The following MKX variants were observed in gnomAD, a reference collection of about 807,000 sequenced individuals.
The protein encoded by MKX is homeobox protein Mohawk.
A neutral mutation model predicts 36.0 loss-of-function variants in MKX; 13 were observed. The ratio of observed to expected loss-of-function variants is 0.36; its 90% confidence interval spans 0.24 to 0.57. The LOEUF (loss-of-function observed/expected upper bound fraction) is 0.57. Among genes scored for constraint, MKX ranks in the 20% least tolerant of loss-of-function variants. The pLI, the probability that MKX is intolerant of heterozygous loss-of-function variation, is 0.79. For missense variants in MKX, 458 were observed against 456.4 expected, an observed-to-expected ratio of 1.00 and a Z score of -0.03; for synonymous variants, 176 against 178.3, an observed-to-expected ratio of 0.99 and a Z score of 0.10.
intron 5 of MKX, among the ~76,000 whole-genome samples, chr10:27,706,066 AT>A (rs951541694): frequency 2.0e-5 from 3 of 151,416 alleles, no homozygotes; most frequent in Non-Finnish European, 4.4e-5. Flanking sequence ...AGTGACCACC[AT>A]TTTTTTTCTG....
intron 5 of MKX, among the ~76,000 whole-genome samples, chr10:27,728,002 G>C (rs1834529863): frequency 6.6e-6 from 1 of 152,138 alleles, no homozygotes; most frequent in South Asian, 2.1e-4. Flanking sequence ...TGTTAGGTAA[G>C]GTACAAGACA....
chr10:27,679,832 C>G (rs1010181595), intron 5 of MKX, among the ~76,000 whole-genome samples: 6 of 151,834 alleles, frequency 4.0e-5, no homozygotes, highest in African/African-American at 1.5e-4. Context: ...TTCTTATGCT[C>G]TTTCCCTTTG....
chr10:27,697,808 T>A (rs1836582041), intron 5 of MKX, among the ~76,000 whole-genome samples: 1 of 152,138 alleles, frequency 6.6e-6, no homozygotes, highest in Non-Finnish European at 1.5e-5. Context: ...GTAGTAAGTA[T>A]GGTGGGAACA....
chr10:27,726,519 T>C (rs1834491647), intron 5 of MKX, among the ~76,000 whole-genome samples: 1 of 152,208 alleles, frequency 6.6e-6, no homozygotes, highest in Non-Finnish European at 1.5e-5. Flanking sequence ...TCCATTTGTT[T>C]TTATTTGTCT....
At position 27,728,593 on chromosome 10, in the gene MKX, A is replaced by G. The variant is rs77817098; in HGVS notation, c.838+5863T>C. 7.4e-3 allele frequency among the ~76,000 whole-genome samples: 1,120 copies of G among 152,306 alleles called. 17 individuals carry two copies. The highest frequency in any genetic ancestry group is 0.026 in the African/African-American group (1,065 of 41,570). Reference sequence around the variant, plus strand: ...TGCACATAGGAGCAGCACCTCATATACCAATGGACTGTGTCCCAGAAGCTT... The same window carrying G: ...TGCACATAGGAGCAGCACCTCATATGCCAATGGACTGTGTCCCAGAAGCTT... On this transcript the variant is annotated intron_variant, in intron 5 of 6. Transcript: ENST00000419761.
chr10:27,735,174 G>A, intron 4 of MKX, 47 bp downstream of exon 4: 1 of 1,494,274 alleles, frequency 6.7e-7, no homozygotes, highest in Non-Finnish European at 8.9e-7. Flanking sequence ...TGGTGAACTT[G>A]CTAATAGAGG....
rs1374453515 is a variant in MKX at position 27,744,360 on chromosome 10, T to G, written c.-82-863A>C. 6.6e-6 allele frequency among the ~76,000 whole-genome samples: 1 copy of G among 152,024 alleles called. No individual in the cohort carries two copies. The highest frequency in any genetic ancestry group is 1.5e-5 in the Non-Finnish European group (1 of 67,992). The stretch of plus-strand genomic sequence containing the variant: ...TCTCTCTGGGGTCTCCGGGGACCCT[T>G]TCAGAGGCTGTAAAGGTGTCAGAAG... On this transcript the variant is annotated intron_variant, in intron 1 of 6. Transcript: ENST00000419761. The surrounding 1 kb of genome is among the most constrained non-coding windows in gnomAD (Gnocchi z 5.6).
At chr10:27,728,877 A>G (rs958598193) in intron 5 of MKX, among the ~76,000 whole-genome samples, 1 of 152,180 alleles carries the variant, frequency 6.6e-6, no homozygotes, top group Admixed American at 6.5e-5. Context: ...TATCCTCCCA[A>G]ACTTTCTACA....
chr10:27,733,458 T>C (rs963999021), intron 5 of MKX, among the ~76,000 whole-genome samples: 9 of 152,202 alleles, frequency 5.9e-5, no homozygotes, highest in African/African-American at 2.2e-4. Context: ...TGATTGGTAG[T>C]AGTAGGGATA....
intron 3 of MKX, among the ~76,000 whole-genome samples, chr10:27,739,086 T>G (rs1417600698): frequency 6.6e-6 from 1 of 152,096 alleles, no homozygotes; most frequent in African/African-American, 2.4e-5. Context: ...TATGAGACTT[T>G]CATTATTAGA....
Position 27,698,508 on chromosome 10 carries a change from G to A in MKX, c.839-22954C>T, listed in dbSNP as rs1335681119. 2.6e-5 allele frequency among the ~76,000 whole-genome samples: 4 copies of A among 152,166 alleles called. No individual in the cohort carries two copies. In the East Asian group the frequency reaches 7.7e-4, roughly 29 times the overall value. ...TTCTGGAATGACCACATGGAGTTGGGGGAGTGGGAGCTGGGAGTCTGAAAT... is the reference window on the plus strand; with the variant it reads ...TTCTGGAATGACCACATGGAGTTGGAGGAGTGGGAGCTGGGAGTCTGAAAT... On this transcript the variant is annotated intron_variant, in intron 5 of 6. Transcript: ENST00000419761.
chr10:27,723,616 A>C (rs1205810454), intron 5 of MKX, among the ~76,000 whole-genome samples: 5 of 152,302 alleles, frequency 3.3e-5, no homozygotes, highest in Middle Eastern at 3.4e-3. Context: ...TCTGGCTAGG[A>C]ATTTTATGTT....
rs1374488430 is a variant in MKX at position 27,674,173 on chromosome 10, T to C, written c.*1056A>G. On this transcript the variant is annotated 3_prime_UTR_variant, in exon 7 of 7. Transcript: ENST00000419761. ...ATGTCCAACTTGGCAAAATTCAAACTGTTCAATGTTTTGTTTTCCATATGT... is the reference window on the plus strand; with the variant it reads ...ATGTCCAACTTGGCAAAATTCAAACCGTTCAATGTTTTGTTTTCCATATGT... 3 of 152,374 alleles carry C rather than the reference T, an allele frequency of 2.0e-5. No individual in the cohort carries two copies. In the East Asian group the frequency reaches 5.8e-4, roughly 29 times the overall value. The allele number at this position is 152,374 out of a possible 1,614,324, so 9.4% of individuals were successfully genotyped here.
intron 5 of MKX, among the ~76,000 whole-genome samples, chr10:27,689,327 A>C (rs1836412857): frequency 6.6e-6 from 1 of 152,214 alleles, no homozygotes; most frequent in Admixed American, 6.5e-5. Flanking sequence ...TTTTAGACAT[A>C]AGATGAATAC....
chr10:27,731,081 C>T (rs1483962549), intron 5 of MKX, among the ~76,000 whole-genome samples: 2 of 148,972 alleles, frequency 1.3e-5, no homozygotes, highest in East Asian at 4.1e-4. Context: ...TTGCAGTGAA[C>T]CGAGATCGTG....
At chr10:27,719,181 G>A (rs1179581672) in intron 5 of MKX, among the ~76,000 whole-genome samples, 5 of 152,186 alleles carry the variant, frequency 3.3e-5, no homozygotes, top group Non-Finnish European at 7.4e-5. Context: ...AGTCAGAAAA[G>A]TTGAGAAATT....
chr10:27,681,817 G>C (rs1461382794), intron 5 of MKX, among the ~76,000 whole-genome samples: 2 of 152,058 alleles, frequency 1.3e-5, no homozygotes, highest in African/African-American at 4.8e-5. Flanking sequence ...AGCTACCTGG[G>C]AGGTTGAGGC....
At position 27,679,739 on chromosome 10, in the gene MKX, A is replaced by G. The variant is rs1037243064; in HGVS notation, c.839-4185T>C. On this transcript the variant is annotated intron_variant, in intron 5 of 6. Coordinates refer to ENST00000419761, the MANE Select transcript of MKX (RefSeq NM_173576.3). Reference sequence around the variant, plus strand: ...GGAGAAATGTCGCAGCTTTTAGAGAACTGATATCATTTGATGGGAATTCAG... The same window carrying G: ...GGAGAAATGTCGCAGCTTTTAGAGAGCTGATATCATTTGATGGGAATTCAG... Among the ~76,000 whole-genome samples, 4 of 152,168 alleles carry G rather than the reference A, an allele frequency of 2.6e-5. No homozygotes were observed. The East Asian group carries it at 7.7e-4, about 29-fold the overall frequency.
rs1241097208 is a variant in MKX, at chr10:27,675,332, T to C, written c.956A>G (p.Gln319Arg). Residue 319 changes from glutamine (Q) to arginine (R), a missense_variant, in exon 7 of 7, where the codon CAG becomes CGG. Gln to Arg is a conservative substitution (Grantham distance 43). This residue lies in a region of MKX where 297 missense variants were observed against 304.4 expected (regional missense o/e 0.98). Transcript: ENST00000419761. ...AGTTCCCTGCAGTTTGTCCTTTCCC[T>C]GTGCAAGATTTGTTAAGGCCATAGC... ...NAAMALTNLA[Q>R]GKDKLQGTTS... 3.7e-6 allele frequency: 6 copies of C among 1,614,110 alleles called. No individual in the cohort carries two copies. The highest frequency in any genetic ancestry group is 5.1e-6 in the Non-Finnish European group (6 of 1,180,052).
Sources: gnomAD v4.1 joint callset for allele counts (sites outside exome capture counted in the v4.1 genomes callset) on GRCh38, gnomAD v4.1.1 for gene constraint, gnomAD v4.1.1 regional missense constraint, Gnocchi (gnomAD v3.1) non-coding constraint, MANE v1.5 for transcripts, NCBI Gene and HGNC (gene_info 2026-07-23, HGNC 2026-07-21) for gene names.